Variants in CCDC171 observed in about 807,000 individuals in gnomAD.
CCDC171 encodes coiled-coil domain-containing protein 171.
CCDC171 carries 177 observed loss-of-function variants against 168.2 expected under a neutral mutation model. The observed-to-expected ratio is 1.05, with a 90% CI of 0.93 to 1.19. The LOEUF is 1.19. CCDC171 is among the 50% of genes most tolerant of loss of function. CCDC171 has a pLI of 0.00. For missense variants in CCDC171, 1,991 were observed against 1,539.0 expected (o/e 1.29, Z -4.91); for synonymous variants, 687 against 540.8 (o/e 1.27, Z -3.75).
chr9:15,574,946 G>A (rs148608350), intron 3 of CCDC171, among the ~76,000 whole-genome samples: 2 of 152,144 alleles, frequency 1.3e-5, no homozygotes, highest in Non-Finnish European at 2.9e-5. Context: ...ATACGTTCCA[G>A]ATGAGACTGA....
intron 23 of CCDC171, among the ~76,000 whole-genome samples, chr9:15,859,907 C>A (rs951353464): frequency 1.3e-5 from 2 of 151,768 alleles, no homozygotes; most frequent in Non-Finnish European, 2.9e-5. Flanking sequence ...GCCTCAAGCA[C>A]TCCTCCCACC....
rs925698807 is a variant in CCDC171 at position 15,687,633 on chromosome 9, T to C, written c.1216-7602T>C. 2.9e-4 allele frequency among the ~76,000 whole-genome samples: 44 copies of C among 152,140 alleles called. 1 individual carries two copies. Among genetic ancestry groups the C allele is most frequent in the Admixed American group, 1.2e-3 (18 of 15,266 alleles). Reference sequence around the variant, plus strand: ...GAAGAGATAACTCAATTGATAACTTTAGCTACACTCATCAAAAAAGGAGAA... The same window carrying C: ...GAAGAGATAACTCAATTGATAACTTCAGCTACACTCATCAAAAAAGGAGAA... On this transcript the variant is annotated intron_variant, in intron 10 of 25. Transcript: ENST00000380701.
chr9:15,576,350 T>TTTA (rs1240997896), intron 3 of CCDC171, among the ~76,000 whole-genome samples: 7 of 151,726 alleles, frequency 4.6e-5, no homozygotes, highest in Non-Finnish European at 7.4e-5. Flanking sequence ...ACCTGGCTAA[T>TTTA]TTATTATTAT....
chr9:15,599,460 A>T (rs995537342), intron 6 of CCDC171, among the ~76,000 whole-genome samples: 3 of 152,156 alleles, frequency 2.0e-5, no homozygotes, highest in Non-Finnish European at 4.4e-5. Flanking sequence ...TTTCTTCAAG[A>T]ATGTTGAATA....
intron 6 of CCDC171, among the ~76,000 whole-genome samples, chr9:15,604,767 G>C (rs2131718122): frequency 6.6e-6 from 1 of 152,282 alleles, no homozygotes; most frequent in South Asian, 2.1e-4. Flanking sequence ...AAGTATGATT[G>C]TGATGTAGTG....
intron 11 of CCDC171, among the ~76,000 whole-genome samples, chr9:15,712,534 A>G (rs1250068551): frequency 6.6e-6 from 1 of 152,252 alleles, no homozygotes; most frequent in Non-Finnish European, 1.5e-5. Flanking sequence ...TTTGGAATAC[A>G]TGATGGTGAA....
intron 6 of CCDC171, among the ~76,000 whole-genome samples, chr9:16,028,154 A>T (rs1833308217): frequency 6.6e-6 from 1 of 152,148 alleles, no homozygotes; most frequent in Non-Finnish European, 1.5e-5. Flanking sequence ...GGAGCCAGGG[A>T]CTGGAAAGTC....
the CCDC171 span, among the ~76,000 whole-genome samples, chr9:16,073,279 G>A: frequency 1.2e-4 from 19 of 152,160 alleles, no homozygotes; most frequent in Admixed American, 1.2e-3. Context: ...TAGGAACCCT[G>A]GGTAAAGGTC....
At chr9:16,066,759 A>G in the CCDC171 span, among the ~76,000 whole-genome samples, 3 of 149,822 alleles carry the variant, frequency 2.0e-5, no homozygotes, top group Admixed American at 1.3e-4. Flanking sequence ...ATGATTTCCA[A>G]TTTCATCCAT....
intron 7 of CCDC171, among the ~76,000 whole-genome samples, chr9:15,640,215 A>G (rs2046497007): frequency 1.3e-5 from 2 of 152,188 alleles, no homozygotes; most frequent in East Asian, 1.9e-4. Flanking sequence ...CTATGAGGGT[A>G]CAATAAAGTG....
chr9:15,700,468 C>T (rs1277851428), intron 11 of CCDC171, among the ~76,000 whole-genome samples: 1 of 152,192 alleles, frequency 6.6e-6, no homozygotes, highest in Non-Finnish European at 1.5e-5. Flanking sequence ...GCGGCCTTGG[C>T]CAGCCCAGAA....
At chr9:15,892,325 A>G (rs1177102306) in intron 24 of CCDC171, among the ~76,000 whole-genome samples, 3 of 152,032 alleles carry the variant, frequency 2.0e-5, no homozygotes, top group Admixed American at 1.3e-4. Context: ...TCGGTATGAT[A>G]TTGGCTGTGG....
At position 15,711,979 on chromosome 9, in the gene CCDC171, G is replaced by A. The variant is rs1392760105; in HGVS notation, c.1319-9790G>A. Among the ~76,000 whole-genome samples, 18 of 152,158 alleles carry A rather than the reference G, an allele frequency of 1.2e-4. No individual in the cohort carries two copies. The East Asian group carries it at 3.3e-3, about 28-fold the overall frequency. On this transcript the variant is annotated intron_variant, in intron 11 of 25. Coordinates refer to ENST00000380701, the MANE Select transcript of CCDC171 (RefSeq NM_173550.4). The stretch of plus-strand genomic sequence containing the variant: ...TGTATTCCAGGAGGGTCTATTATCC[G>A]GGAGAGCTGTATGGTTCTAGTCTGA...
intron 25 of CCDC171, among the ~76,000 whole-genome samples, chr9:15,942,213 T>C (rs1295872913): frequency 6.6e-6 from 1 of 151,978 alleles, no homozygotes; most frequent in Non-Finnish European, 1.5e-5. Flanking sequence ...GTCACTACGA[T>C]ACCTAATACT....
At chr9:15,587,941 A>T (rs890947134) in intron 4 of CCDC171, among the ~76,000 whole-genome samples, 3 of 152,174 alleles carry the variant, frequency 2.0e-5, no homozygotes, top group Non-Finnish European at 4.4e-5. Flanking sequence ...ATCTATTAGA[A>T]ATTAAAAATA....
intron 4 of CCDC171, among the ~76,000 whole-genome samples, chr9:15,581,696 A>T (rs2041131540): frequency 6.6e-6 from 1 of 152,126 alleles, no homozygotes; most frequent in Non-Finnish European, 1.5e-5. Flanking sequence ...TTCCCTATTT[A>T]ATAAATTGTG....
At chr9:15,758,612 G>C (rs1276998085) in intron 18 of CCDC171, among the ~76,000 whole-genome samples, 4 of 152,194 alleles carry the variant, frequency 2.6e-5, no homozygotes, top group Non-Finnish European at 5.9e-5. Context: ...TGAGATGTGG[G>C]AGGGAGTCAG....
At chr9:15,799,847 C>T (rs1363262428) in intron 21 of CCDC171, among the ~76,000 whole-genome samples, 1 of 151,928 alleles carries the variant, frequency 6.6e-6, no homozygotes, top group Non-Finnish European at 1.5e-5. Flanking sequence ...GATTTTTAGC[C>T]CCTCCAAATA....
intron 23 of CCDC171, among the ~76,000 whole-genome samples, chr9:15,853,803 A>G (rs1055659858): frequency 1.3e-5 from 2 of 151,528 alleles, no homozygotes; most frequent in African/African-American, 2.4e-5. Flanking sequence ...TTTTATGAAA[A>G]GGAATTCAGT....
Sources: allele counts gnomAD v4.1 joint callset (sites outside exome capture counted in the v4.1 genomes callset), GRCh38; gene constraint gnomAD v4.1.1; transcripts MANE v1.5; gene names NCBI Gene and HGNC (gene_info 2026-07-23, HGNC 2026-07-21).